The following MAPK14 variants were observed in gnomAD, a reference collection of about 807,000 sequenced individuals.
MAPK14 encodes the protein mitogen-activated protein kinase 14, also known as CSAID-binding protein.
In MAPK14, 16 loss-of-function variants were observed where a neutral mutation model predicts 49.6. That is an observed-to-expected ratio of 0.32 (90% CI 0.22 to 0.49). The LOEUF (loss-of-function observed/expected upper bound fraction) is 0.49, where lower values mean the gene tolerates loss of function less well. MAPK14 is among the 20% of genes least tolerant of loss of function. The pLI is 0.99. For missense variants in MAPK14, 200 were observed against 441.2 expected (o/e 0.45, Z 4.90); for synonymous variants, 142 against 158.0 (o/e 0.90, Z 0.76).
intron 3 of MAPK14, among the ~76,000 whole-genome samples, chr6:36,061,093 T>C (rs769711744): frequency 2.0e-5 from 3 of 152,196 alleles, no homozygotes; most frequent in Non-Finnish European, 2.9e-5. Flanking sequence ...TACAGAATGA[T>C]GGTTTTTAAA....
At chr6:36,040,027 A>G (rs1186247705) in intron 1 of MAPK14, among the ~76,000 whole-genome samples, 1 of 151,650 alleles carries the variant, frequency 6.6e-6, no homozygotes, top group Non-Finnish European at 1.5e-5. Context: ...GTATCAGTCC[A>G]GAGGAGACAT....
At position 36,109,437 on chromosome 6, in the gene MAPK14, C is replaced by A. The variant is rs919605746; in HGVS notation, c.*990C>A. On this transcript the variant is annotated 3_prime_UTR_variant, in exon 12 of 12. Coordinates refer to ENST00000229794, the MANE Select transcript of MAPK14 (RefSeq NM_139012.3). ...GCTTGTCCTGCTCTCTTCAGGAGGC[C>A]CTGGTGTCAGGCAGGTTTGCCAGTG... 1 of 152,556 alleles carries A rather than the reference C, an allele frequency of 6.6e-6. No homozygotes were observed. Among genetic ancestry groups the A allele is most frequent in the African/African-American group, 2.4e-5 (1 of 41,388 alleles). 9.5% of individuals were successfully genotyped at this position (152,556 alleles called of 1,614,324 possible).
Position 36,085,102 on chromosome 6 carries a change from T to C in MAPK14, c.682+8494T>C, listed in dbSNP as rs139154265. Among the ~76,000 whole-genome samples, 153 of 152,288 alleles carry C rather than the reference T, an allele frequency of 1.0e-3. 1 individual carries two copies. Among genetic ancestry groups the C allele is most frequent in the African/African-American group, 3.5e-3 (147 of 41,554 alleles). On this transcript the variant is annotated intron_variant, in intron 8 of 11. Coordinates refer to ENST00000229794, the MANE Select transcript of MAPK14 (RefSeq NM_139012.3). ...ATAGTCAAAGAAGAAATAAAATCCT[T>C]TTTAGACAAGCAAATGCTGAGGGAA... is the stretch of plus-strand genomic sequence containing the variant.
chr6:36,097,093 A>G (rs1765471136), intron 9 of MAPK14: 1 of 152,242 alleles, frequency 6.6e-6, no homozygotes, highest in Non-Finnish European at 1.5e-5. Context: ...GGAACCGTTC[A>G]TCATCTTCCT....
intron 1 of MAPK14, among the ~76,000 whole-genome samples, chr6:36,032,498 A>G (rs1351050002): frequency 6.6e-6 from 1 of 152,188 alleles, no homozygotes. Flanking sequence ...GGAAATACAA[A>G]CAGGAACTTA....
chr6:36,092,031 A>C (rs1204491446), intron 8 of MAPK14: 1 of 439,094 alleles, frequency 2.3e-6, no homozygotes, highest in African/African-American at 2.0e-5. Flanking sequence ...TCACATTTGC[A>C]TGTTTCAGTG....
At chr6:36,033,619 C>G (rs1762629726) in intron 1 of MAPK14, among the ~76,000 whole-genome samples, 1 of 152,186 alleles carries the variant, frequency 6.6e-6, no homozygotes, top group African/African-American at 2.4e-5. Context: ...CCAGCCTCCA[C>G]TGGTTCTTCT....
At chr6:36,123,027 G>A in the MAPK14 span, among the ~76,000 whole-genome samples, 2 of 152,118 alleles carry the variant, frequency 1.3e-5, no homozygotes, top group Non-Finnish European at 2.9e-5. Context: ...AGTGGGGTGA[G>A]TGGATCTAGA....
At chr6:36,080,354 C>T (rs1041795222) in intron 8 of MAPK14, among the ~76,000 whole-genome samples, 1 of 152,104 alleles carries the variant, frequency 6.6e-6, no homozygotes, top group African/African-American at 2.4e-5. Context: ...ACACTCAGCC[C>T]GTGAAACAGT....
At chr6:36,114,995 C>T (rs1201423118), downstream of MAPK14, among the ~76,000 whole-genome samples, 3 of 152,140 alleles carry the variant, frequency 2.0e-5, no homozygotes, top group Non-Finnish European at 4.4e-5. Flanking sequence ...CAGCCTTCTG[C>T]ATCTGGGAAC....
intron 8 of MAPK14, among the ~76,000 whole-genome samples, chr6:36,083,224 C>T (rs1353925909): frequency 7.9e-5 from 12 of 152,182 alleles, no homozygotes; most frequent in Admixed American, 7.8e-4. Context: ...GAGCGACAGC[C>T]CACCTGGGAG....
downstream of MAPK14, among the ~76,000 whole-genome samples, chr6:36,114,190 G>A (rs1766021506): frequency 6.6e-6 from 1 of 152,170 alleles, no homozygotes; most frequent in African/African-American, 2.4e-5. Flanking sequence ...TTGCCAAATG[G>A]CTTCTGGGGA....
At chr6:36,106,586 C>T (rs1192075829) in intron 10 of MAPK14, among the ~76,000 whole-genome samples, 1 of 151,964 alleles carries the variant, frequency 6.6e-6, no homozygotes, top group East Asian at 1.9e-4. Flanking sequence ...AAGATGTCTT[C>T]GTGTTGAAAT....
intron 3 of MAPK14, among the ~76,000 whole-genome samples, chr6:36,062,099 C>T (rs1763845174): frequency 6.6e-6 from 1 of 152,074 alleles, no homozygotes. Flanking sequence ...ACCTCAGTCC[C>T]CCAAGTAGCT....
chr6:36,072,141 C>T (rs551828222), intron 3 of MAPK14, among the ~76,000 whole-genome samples: 4 of 152,160 alleles, frequency 2.6e-5, no homozygotes, highest in African/African-American at 9.6e-5. Flanking sequence ...TAGAGCCCAG[C>T]CTGAGCAACA....
At chr6:36,111,411 G>A (rs1350142983), downstream of MAPK14, among the ~76,000 whole-genome samples, 1 of 152,182 alleles carries the variant, frequency 6.6e-6, no homozygotes, top group Non-Finnish European at 1.5e-5. Context: ...TCTATAAAGT[G>A]AAGTTCAGGT....
At chr6:36,114,313 T>A (rs1345895402), downstream of MAPK14, among the ~76,000 whole-genome samples, 5 of 152,090 alleles carry the variant, frequency 3.3e-5, no homozygotes, top group Non-Finnish European at 7.4e-5. Context: ...TGGCCTGTTG[T>A]AACTTAAAGA....
the MAPK14 span, among the ~76,000 whole-genome samples, chr6:36,118,211 TTTAAAA>T: frequency 6.6e-6 from 1 of 152,226 alleles, no homozygotes; most frequent in Non-Finnish European, 1.5e-5. Flanking sequence ...CATCTGCCAC[TTTAAAA>T]TGAAAATAGC....
At chr6:36,102,960 A>T (rs1765686179) in intron 10 of MAPK14, among the ~76,000 whole-genome samples, 1 of 152,156 alleles carries the variant, frequency 6.6e-6, no homozygotes, top group African/African-American at 2.4e-5. Flanking sequence ...ATACAGAAGA[A>T]AGCTGTAACT....
Sources: gnomAD v4.1 joint callset for allele counts (sites outside exome capture counted in the v4.1 genomes callset) on GRCh38, gnomAD v4.1.1 for gene constraint, MANE v1.5 for transcripts, NCBI Gene and HGNC (gene_info 2026-07-23, HGNC 2026-07-21) for gene names.